Variants in SPAG16 observed in about 807,000 individuals in gnomAD.
The protein encoded by SPAG16 is sperm-associated antigen 16 protein.
A neutral mutation model predicts 80.4 loss-of-function variants in SPAG16; 86 were observed. The observed-to-expected ratio is 1.07, with a 90% CI of 0.90 to 1.28. The LOEUF (loss-of-function observed/expected upper bound fraction) is 1.28. SPAG16 is among the 50% of genes most tolerant of loss of function. SPAG16 has a pLI of 0.00. For synonymous variants in SPAG16, 294 were observed against 265.9 expected (o/e 1.11, Z -1.03); for missense variants, 870 against 765.3 (o/e 1.14, Z -1.61).
intron 15 of SPAG16, among the ~76,000 whole-genome samples, chr2:214,182,403 A>G (rs2057336020): frequency 6.6e-6 from 1 of 151,764 alleles, no homozygotes; most frequent in Non-Finnish European, 1.5e-5. Flanking sequence ...AATTGATGTG[A>G]ATAATGAACA....
chr2:213,932,176 A>T (rs1299286775), intron 12 of SPAG16, among the ~76,000 whole-genome samples: 1,049 of 23,636 alleles, frequency 0.044, 46 homozygotes, highest in African/African-American at 0.066. Flanking sequence ...ATATATATAT[A>T]TATATATATA....
At chr2:213,630,171 G>A (rs1016181953) in intron 10 of SPAG16, among the ~76,000 whole-genome samples, 1 of 152,144 alleles carries the variant, frequency 6.6e-6, no homozygotes, top group East Asian at 1.9e-4. Context: ...ATCACATCAG[G>A]TCAGGAGTTG....
intron 10 of SPAG16, among the ~76,000 whole-genome samples, chr2:213,520,632 C>G (rs2075624948): frequency 6.6e-6 from 1 of 152,082 alleles, no homozygotes; most frequent in African/African-American, 2.4e-5. Context: ...TTAATCCATC[C>G]AACTTGTATT....
chr2:214,354,716 TC>T (rs1698660839), intron 15 of SPAG16, among the ~76,000 whole-genome samples: 1 of 151,692 alleles, frequency 6.6e-6, no homozygotes, highest in African/African-American at 2.4e-5. Flanking sequence ...GTCCTTCACA[TC>T]CCTTGTAAGT....
chr2:213,301,811 G>C (rs72935174), intron 3 of SPAG16, among the ~76,000 whole-genome samples: 1 of 151,826 alleles, frequency 6.6e-6, no homozygotes, highest in African/African-American at 2.4e-5. Context: ...CCCTTTCTCC[G>C]TAAGACCCTG....
chr2:214,355,704 C>G (rs1448821631), intron 15 of SPAG16, among the ~76,000 whole-genome samples: 16 of 151,874 alleles, frequency 1.1e-4, no homozygotes, highest in Admixed American at 1.1e-3. Context: ...AATCATGCTG[C>G]TATAAAGGCA....
intron 15 of SPAG16, among the ~76,000 whole-genome samples, chr2:214,409,475 G>T (rs1383674650): frequency 2.0e-5 from 3 of 152,054 alleles, no homozygotes; most frequent in African/African-American, 7.2e-5. Context: ...AAAAATATAT[G>T]ATACAAAAAT....
At chr2:213,440,365 C>G (rs1258985876) in intron 9 of SPAG16, among the ~76,000 whole-genome samples, 2 of 151,858 alleles carry the variant, frequency 1.3e-5, no homozygotes, top group Non-Finnish European at 2.9e-5. Context: ...CTGGCTAACA[C>G]AGTGAAACCT....
At chr2:213,742,553 T>TG (rs1553621197) in intron 10 of SPAG16, among the ~76,000 whole-genome samples, 8 of 131,630 alleles carry the variant, frequency 6.1e-5, no homozygotes, top group African/African-American at 2.5e-4. Context: ...ATTTCTTTTT[T>TG]TTTTTTTTTT....
chr2:213,367,024 G>A (rs1200028599), intron 8 of SPAG16, among the ~76,000 whole-genome samples: 1 of 152,088 alleles, frequency 6.6e-6, no homozygotes, highest in Admixed American at 6.5e-5. Context: ...ACCTGTGAGT[G>A]AGAACATGCA....
At chr2:213,422,045 G>A (rs2069626236) in intron 9 of SPAG16, 1 of 585,806 alleles carries the variant, frequency 1.7e-6, no homozygotes, top group African/African-American at 1.9e-5. Context: ...CTTCCTGGAT[G>A]TGGAATGAAC....
At chr2:213,992,350 C>A (rs2106455354) in intron 12 of SPAG16, among the ~76,000 whole-genome samples, 1 of 152,246 alleles carries the variant, frequency 6.6e-6, no homozygotes, top group South Asian at 2.1e-4. Flanking sequence ...GTCGTCACAG[C>A]TATAATGAAT....
rs529717576 is a variant in SPAG16 at position 213,396,008 on chromosome 2, G to C, written c.942+20889G>C. ...ATTTAACTAGTTTCCATGCATACAT[G>C]AGTTTGCTTCTGGACTTTCTTTTAT... is the stretch of plus-strand genomic sequence containing the variant. On this transcript the variant is annotated intron_variant, in intron 9 of 15. Coordinates refer to ENST00000331683, the MANE Select transcript of SPAG16 (RefSeq NM_024532.5). Among the ~76,000 whole-genome samples, 22 of 146,578 alleles carry C rather than the reference G, an allele frequency of 1.5e-4. 1 individual carries two copies. The highest frequency in any genetic ancestry group is 7.1e-3 in the Middle Eastern group (2 of 280).
At chr2:214,067,144 A>G (rs2050569345) in intron 13 of SPAG16, among the ~76,000 whole-genome samples, 1 of 152,174 alleles carries the variant, frequency 6.6e-6, no homozygotes, top group Non-Finnish European at 1.5e-5. Context: ...ATGTGAAGAA[A>G]GCCTCCAGAT....
chr2:214,308,536 T>A (rs769759800), intron 15 of SPAG16, among the ~76,000 whole-genome samples: 10 of 152,198 alleles, frequency 6.6e-5, no homozygotes, highest in African/African-American at 1.2e-4. Flanking sequence ...ATCTTTTCTA[T>A]CCATCTTTAA....
chr2:213,415,021 A>T (rs2069173374), intron 9 of SPAG16, among the ~76,000 whole-genome samples: 1 of 152,262 alleles, frequency 6.6e-6, no homozygotes. Flanking sequence ...ACAATATGGG[A>T]AAACCGCCCC....
chr2:214,162,853 C>G (rs572631256), intron 15 of SPAG16, among the ~76,000 whole-genome samples: 1 of 152,160 alleles, frequency 6.6e-6, no homozygotes, highest in Non-Finnish European at 1.5e-5. Context: ...GTATTTCAAT[C>G]TGTTAGAGAA....
intron 10 of SPAG16, among the ~76,000 whole-genome samples, chr2:213,678,359 G>C (rs909520387): frequency 6.6e-6 from 1 of 152,070 alleles, no homozygotes; most frequent in Non-Finnish European, 1.5e-5. Flanking sequence ...CAACAAAATA[G>C]ATAGACCACT....
intron 13 of SPAG16, among the ~76,000 whole-genome samples, chr2:214,097,163 G>A (rs1403218429): frequency 6.6e-6 from 1 of 152,008 alleles, no homozygotes; most frequent in East Asian, 1.9e-4. Flanking sequence ...GCAGAATATA[G>A]TAGGTGATAA....
Sources: allele counts gnomAD v4.1 joint callset (sites outside exome capture counted in the v4.1 genomes callset), GRCh38; gene constraint gnomAD v4.1.1; transcripts MANE v1.5; gene names NCBI Gene and HGNC (gene_info 2026-07-23, HGNC 2026-07-21).